Variants in PLCG2 observed in about 807,000 individuals in gnomAD.
The protein encoded by PLCG2 is 1-phosphatidylinositol 4,5-bisphosphate phosphodiesterase gamma-2.
PLCG2 carries 69 observed loss-of-function variants against 175.6 expected under a neutral mutation model. The ratio of observed to expected loss-of-function variants is 0.39; its 90% CI spans 0.32 to 0.48. The LOEUF (loss-of-function observed/expected upper bound fraction) is 0.48, where lower values mean the gene tolerates loss of function less well. PLCG2 is among the 20% of genes least tolerant of loss of function. The probability of loss-of-function intolerance (pLI) is 0.91; values close to 1 mark genes in which losing one functional copy is unlikely to be tolerated. For missense variants in PLCG2, 1,798 were observed against 1,650.9 expected (o/e 1.09, Z -1.54); for synonymous variants, 827 against 624.0 (o/e 1.33, Z -4.85).
chr16:81,864,315 A>G (rs1907123760), intron 5 of PLCG2, among the ~76,000 whole-genome samples: 1 of 152,182 alleles, frequency 6.6e-6, no homozygotes, highest in Non-Finnish European at 1.5e-5. Context: ...ACCCCTCACC[A>G]CAGGTGGCCA....
chr16:81,918,202 A>G (rs1010613578), intron 19 of PLCG2, among the ~76,000 whole-genome samples: 5 of 152,138 alleles, frequency 3.3e-5, no homozygotes, highest in South Asian at 4.1e-4. Context: ...TCTTAGTTTG[A>G]TAAAATCCCA....
At chr16:81,862,715 CA>C (rs976741238) in intron 5 of PLCG2, among the ~76,000 whole-genome samples, 4 of 151,908 alleles carry the variant, frequency 2.6e-5, no homozygotes, top group African/African-American at 9.7e-5. Context: ...ACAGAAAGTA[CA>C]AAAAAGTTAG....
At chr16:81,935,928 A>G in intron 26 of PLCG2, 2 of 985,136 alleles carry the variant, frequency 2.0e-6, no homozygotes, top group Non-Finnish European at 2.4e-6. Context: ...AAAGTAAATT[A>G]CAGTAATTCT....
At chr16:81,823,651 A>G (rs1904905500) in intron 2 of PLCG2, among the ~76,000 whole-genome samples, 1 of 151,664 alleles carries the variant, frequency 6.6e-6, no homozygotes, top group African/African-American at 2.4e-5. Context: ...TCAGTCTCTC[A>G]AGTAGCTGAG....
intron 2 of PLCG2, among the ~76,000 whole-genome samples, chr16:81,850,740 T>C (rs1906363756): frequency 1.3e-5 from 2 of 152,296 alleles, no homozygotes; most frequent in African/African-American, 4.8e-5. Context: ...TGTAACAGCA[T>C]AGAGAGCTTC....
intron 9 of PLCG2, 132 bp from the exon 10 acceptor site, chr16:81,889,040 G>T: frequency 1.6e-6 from 1 of 608,272 alleles, no homozygotes; most frequent in Non-Finnish European, 3.0e-6. Flanking sequence ...CTCAACATGT[G>T]GTGGTCGATT....
rs1909980308 is a variant in PLCG2, at chr16:81,919,624, G to A, written c.2195G>A (p.Arg732His). 6 of 1,614,096 alleles carry A rather than the reference G, an allele frequency of 3.7e-6. No individual in the cohort carries two copies. The highest frequency in any genetic ancestry group is 1.1e-5 in the South Asian group (1 of 91,070). Residue 732 changes from arginine (R) to histidine (H), a missense_variant, in exon 20 of 33, where the codon CGC becomes CAC. Arg to His is a conservative substitution (Grantham distance 29). Coordinates refer to ENST00000564138, the MANE Select transcript of PLCG2 (RefSeq NM_002661.5). ...KHSLYRKMRL[R>H]YPVTPELLER... ...TCACTCTACCGAAAGATGAGACTGC[G>A]CTACCCCGTGACCCCCGAGCTCCTG...
At chr16:81,831,035 G>T (rs959549577) in intron 2 of PLCG2, among the ~76,000 whole-genome samples, 1 of 152,086 alleles carries the variant, frequency 6.6e-6, no homozygotes, top group African/African-American at 2.4e-5. Flanking sequence ...TATTTGCTCT[G>T]CCTGAAATAT....
intron 22 of PLCG2, 66 bp downstream of exon 22, chr16:81,923,660 A>G: frequency 1.0e-6 from 1 of 970,770 alleles, no homozygotes; most frequent in Admixed American, 2.0e-5. Context: ...TGGTGATAAG[A>G]CTCAGGTGCT....
chr16:81,907,197 C>A (rs1449398639), intron 15 of PLCG2, among the ~76,000 whole-genome samples: 3 of 151,856 alleles, frequency 2.0e-5, no homozygotes, highest in Non-Finnish European at 4.4e-5. Context: ...TACCCTGCAC[C>A]CAGCCTCCTC....
chr16:81,804,317 A>G (rs200459426), intron 2 of PLCG2, among the ~76,000 whole-genome samples: 1 of 152,348 alleles, frequency 6.6e-6, no homozygotes, highest in East Asian at 1.9e-4. Context: ...TCTATCTTAA[A>G]TAGTTGATGT....
intron 22 of PLCG2, among the ~76,000 whole-genome samples, chr16:81,924,584 C>T (rs1461580804): frequency 6.6e-6 from 1 of 152,252 alleles, no homozygotes; most frequent in Non-Finnish European, 1.5e-5. Flanking sequence ...CCAGAGCTTA[C>T]ACTCTTAACT....
chr16:81,931,000 A>G (rs1369364750), intron 24 of PLCG2, among the ~76,000 whole-genome samples: 1 of 152,242 alleles, frequency 6.6e-6, no homozygotes, highest in African/African-American at 2.4e-5. Context: ...TAATTGGTCA[A>G]CCAAAAAGAT....
intron 28 of PLCG2, 46 bp from the exon 29 acceptor site, chr16:81,938,755 G>A: frequency 7.4e-6 from 9 of 1,209,896 alleles, no homozygotes; most frequent in Non-Finnish European, 9.7e-6. Context: ...TAGGCTGCCT[G>A]TTCAGGACCC....
At chr16:81,939,174 G>A (rs1320236362) in intron 29 of PLCG2, among the ~76,000 whole-genome samples, 5 of 152,118 alleles carry the variant, frequency 3.3e-5, no homozygotes, top group African/African-American at 1.2e-4. Context: ...CACTAGGTTG[G>A]TCCTCTCTGT....
At chr16:81,756,910 C>G (rs996856400) in intron 2 of PLCG2, among the ~76,000 whole-genome samples, 1 of 152,198 alleles carries the variant, frequency 6.6e-6, no homozygotes, top group African/African-American at 2.4e-5. Flanking sequence ...GGAACACACA[C>G]ACCGCGCCTC....
chr16:81,772,092 G>C (rs1910293716), intron 2 of PLCG2, among the ~76,000 whole-genome samples: 1 of 152,012 alleles, frequency 6.6e-6, no homozygotes, highest in South Asian at 2.1e-4. Flanking sequence ...CTGGAAATAG[G>C]GTCTTTATGG....
intron 2 of PLCG2, among the ~76,000 whole-genome samples, chr16:81,756,179 C>T (rs948019023): frequency 2.0e-5 from 3 of 152,236 alleles, no homozygotes; most frequent in Admixed American, 6.5e-5. Flanking sequence ...GCTGCTAAGC[C>T]CAGGAACCGT....
intron 31 of PLCG2, among the ~76,000 whole-genome samples, chr16:81,948,149 T>A (rs1484362013): frequency 6.6e-6 from 1 of 151,642 alleles, no homozygotes; most frequent in African/African-American, 2.4e-5. Context: ...AGGCTAGATA[T>A]TTAGCAATGG....
Sources: gnomAD v4.1 joint callset for allele counts (sites outside exome capture counted in the v4.1 genomes callset) on GRCh38, gnomAD v4.1.1 for gene constraint, MANE v1.5 for transcripts, NCBI Gene and HGNC (gene_info 2026-07-23, HGNC 2026-07-21) for gene names.